The following PTGIR variants were observed in gnomAD, a reference collection of about 807,000 sequenced individuals.
PTGIR encodes the protein prostaglandin I2 receptor.
A neutral mutation model predicts 17.6 loss-of-function variants in PTGIR; 16 were observed. That is an observed-to-expected ratio of 0.91 (90% CI 0.61 to 1.38). The LOEUF (loss-of-function observed/expected upper bound fraction) is 1.38. Among genes scored for constraint, PTGIR ranks in the 40% most tolerant of loss-of-function variants. The pLI is 0.00. For missense variants in PTGIR, 532 were observed against 548.6 expected (o/e 0.97, Z 0.30); for synonymous variants, 274 against 255.4 (o/e 1.07, Z -0.69).
In PTGIR at chr19:46,620,893, C is replaced by A. The variant is rs760404101; in HGVS notation, c.*387G>T. 1 of 996,070 alleles carries A rather than the reference C, an allele frequency of 1.0e-6. No individual in the cohort carries two copies. The highest frequency in any genetic ancestry group is 6.1e-5 in the Admixed American group (1 of 16,502). 61.7% of individuals were successfully genotyped at this position (996,070 alleles called of 1,614,324 possible). A position where few individuals can be genotyped will look rare whatever the true frequency, so the allele number is the denominator to read the frequency against. On this transcript the variant is annotated 3_prime_UTR_variant, in exon 3 of 3. Coordinates refer to ENST00000291294, the MANE Select transcript of PTGIR (RefSeq NM_000960.4). ...CCATCCCCTGGGGACTTGGGGTGGGCAGTTGGGCCTCCTAAGTGGACGCAG... is the reference window on the plus strand; with the variant it reads ...CCATCCCCTGGGGACTTGGGGTGGGAAGTTGGGCCTCCTAAGTGGACGCAG...
chr19:46,614,196 G>A, the PTGIR span, among the ~76,000 whole-genome samples: 2 of 152,152 alleles, frequency 1.3e-5, no homozygotes, highest in East Asian at 3.9e-4. Context: ...ACTTACCAGG[G>A]ATGCCCAACC....
chr19:46,620,375 T>G, downstream of PTGIR: 1 of 950,868 alleles, frequency 1.1e-6, no homozygotes, highest in South Asian at 4.9e-5. Flanking sequence ...GTGCTGGGAT[T>G]ACAGGCATGT....
chr19:46,619,600 GA>G (rs771737004), downstream of PTGIR, among the ~76,000 whole-genome samples: 2,407 of 101,552 alleles, frequency 0.024, 43 homozygotes, highest in Non-Finnish European at 0.032. Flanking sequence ...AGAAAAGAAA[GA>G]AAGGAAAGAA....
At position 46,624,009 on chromosome 19, in the gene PTGIR, C is replaced by T. The variant is rs762383501; in HGVS notation, c.217G>A (p.Val73Met). Reference protein sequence around the residue: ...GTSFLSPAVFVAYARNSSLLG... With the variant: ...GTSFLSPAVFMAYARNSSLLG... ...AGGGAGCTGTTGCGCGCATAGGCCA[C>T]GAACACGGCCGGGCTCAGGAAGCTG... The change falls in exon 2 of 3, where the codon GTG becomes ATG. Residue 73 changes from valine to methionine, a missense_variant. By Grantham distance (21) the Val-to-Met change is conservative. Coordinates refer to ENST00000291294, the MANE Select transcript of PTGIR (RefSeq NM_000960.4). 1.1e-5 allele frequency: 17 copies of T among 1,545,818 alleles called. No homozygotes were observed. Among genetic ancestry groups the T allele is most frequent in the Admixed American group, 2.0e-5 (1 of 50,886 alleles).
Position 46,621,518 on chromosome 19 carries a change from C to T in PTGIR, c.923G>A (p.Cys308Tyr). 2.5e-6 allele frequency: 4 copies of T among 1,614,206 alleles called. No homozygotes were observed. Among genetic ancestry groups the T allele is most frequent in the Non-Finnish European group, 3.4e-6 (4 of 1,180,050 alleles). ...AVFQRLKLWVCCLCLGPAHGD... is the reference protein window; with the variant it reads ...AVFQRLKLWVYCLCLGPAHGD... The stretch of plus-strand genomic sequence containing the variant: ...GTGGGCAGGCCCGAGGCACAGGCAG[C>T]AGACCCAGAGCTTGAGTCGCTGGAA... The change falls in exon 3 of 3, where the codon TGC becomes TAC. Residue 308 changes from cysteine to tyrosine, a missense_variant. Transcript: ENST00000291294. The surrounding 1 kb of genome is among the most constrained non-coding windows in gnomAD (Gnocchi z 4.8).
At chr19:46,624,453 T>C (rs1223691786) in intron 1 of PTGIR, 1 of 446,816 alleles carries the variant, frequency 2.2e-6, no homozygotes, top group African/African-American at 2.0e-5. Flanking sequence ...TTTCTCTCTT[T>C]CTTTTCTTTC....
chr19:46,622,441 G>A (rs1314532553), intron 2 of PTGIR: 1 of 966,964 alleles, frequency 1.0e-6, no homozygotes, highest in East Asian at 1.1e-4. Context: ...ACTGTGGAAT[G>A]GGTGGCTATG....
At chr19:46,624,607 A>G (rs1299080440) in intron 1 of PTGIR, 1 of 170,860 alleles carries the variant, frequency 5.9e-6, no homozygotes, top group Non-Finnish European at 1.2e-5. Context: ...GGCGTCCACT[A>G]CCACGCCCAG....
At chr19:46,622,315 C>G in intron 2 of PTGIR, 1 of 985,334 alleles carries the variant, frequency 1.0e-6, no homozygotes, top group Non-Finnish European at 1.2e-6. Flanking sequence ...AGATCAGGCT[C>G]TACAATGGAA....
rs1282220029 is a variant in PTGIR at position 46,621,999 on chromosome 19, G to A, written c.769-327C>T. On this transcript the variant is annotated intron_variant, in intron 2 of 2. Coordinates refer to ENST00000291294, the MANE Select transcript of PTGIR (RefSeq NM_000960.4). The surrounding 1 kb of genome is among the most constrained non-coding windows in gnomAD (Gnocchi z 4.8). Reference sequence around the variant, plus strand: ...GTGGCGCCACCCGGCTGGGCCCCCTGAAACTGCCGCAGAGCTGCGGTGGTG... The same window carrying A: ...GTGGCGCCACCCGGCTGGGCCCCCTAAAACTGCCGCAGAGCTGCGGTGGTG... The A allele has an allele frequency of 2.0e-6, 2 of 985,300 alleles. No individual in the cohort carries two copies. The highest frequency in any genetic ancestry group is 3.5e-5 in the African/African-American group (2 of 57,236). 61.0% of individuals were successfully genotyped at this position (985,300 alleles called of 1,614,324 possible).
In PTGIR at chr19:46,624,104, C is replaced by T. The variant is rs754955759; in HGVS notation, c.122G>A (p.Arg41Gln). The change falls in exon 2 of 3, where the codon CGG (arginine) becomes CAG (glutamine). Residue 41 changes from arginine to glutamine, a missense_variant. Physicochemically the swap from Arg to Gln is conservative, Grantham distance 43. Coordinates refer to ENST00000291294, the MANE Select transcript of PTGIR (RefSeq NM_000960.4). The part of the protein sequence containing the change: ...NGLALGILSA[R>Q]RPARPSAFAV... ...GAAGGCCGAGGGGCGCGCCGGTCGCCGTGCGCTCAGGATGCCCAGGGCCAG... is the reference window on the plus strand; with the variant it reads ...GAAGGCCGAGGGGCGCGCCGGTCGCTGTGCGCTCAGGATGCCCAGGGCCAG... 25 of 1,539,608 alleles carry T rather than the reference C, an allele frequency of 1.6e-5. No homozygotes were observed. In the Admixed American group the frequency reaches 4.3e-4, roughly 26 times the overall value.
chr19:46,620,659 C>G lies in PTGIR; in HGVS notation c.*621G>C. 1.0e-6 allele frequency: 1 copy of G among 985,992 alleles called. No homozygotes were observed. The highest frequency in any genetic ancestry group is 1.2e-6 in the Non-Finnish European group (1 of 830,036). The allele number at this position is 985,992 out of a possible 1,614,324, so 61.1% of individuals were successfully genotyped here. On this transcript the variant is annotated 3_prime_UTR_variant, in exon 3 of 3. Coordinates refer to ENST00000291294, the MANE Select transcript of PTGIR (RefSeq NM_000960.4). ...GCCAGTCAAGCTAGGTGGAATGTCT[C>G]AGGCCCTTTTTGTACCAAGCACATG...
In PTGIR at chr19:46,621,320, G is replaced by A. The variant is rs775737588; in HGVS notation, c.1121C>T (p.Ser374Leu). Residue 374 changes from serine to leucine, a missense_variant, in exon 3 of 3, where the codon TCG (serine) becomes TTG (leucine). Ser to Leu is a moderately radical substitution (Grantham distance 145, BLOSUM62 -2). Coordinates refer to ENST00000291294, the MANE Select transcript of PTGIR (RefSeq NM_000960.4). The surrounding 1 kb of genome is among the most constrained non-coding windows in gnomAD (Gnocchi z 4.8). ...QQSSGSAVGT[S>L]SKAEASVACS... Reference sequence around the variant, plus strand: ...GGCGACGCTGGCTTCTGCTTTGGACGACGTTCCCACGGCGCTGCCGCTGGA... The same window carrying A: ...GGCGACGCTGGCTTCTGCTTTGGACAACGTTCCCACGGCGCTGCCGCTGGA... 1.2e-5 allele frequency: 18 copies of A among 1,520,534 alleles called. No homozygotes were observed. The highest frequency in any genetic ancestry group is 1.6e-5 in the Non-Finnish European group (18 of 1,133,938). The allele number at this position is 1,520,534 out of a possible 1,614,324, so 94.2% of individuals were successfully genotyped here.
chr19:46,616,326 C>CTTTTTTTTTTTTTTTTTTTT (rs1021116711), downstream of PTGIR, among the ~76,000 whole-genome samples: 12 of 66,546 alleles, frequency 1.8e-4, 4 homozygotes, highest in African/African-American at 8.0e-4. Flanking sequence ...GACAGAAATG[C>CTTTTTTTTTTTTTTTTTTTT]TTTTTTTTTT....
rs1176219520 is a variant in PTGIR at position 46,623,678 on chromosome 19, G to T, written c.548C>A (p.Ala183Asp). The stretch of plus-strand genomic sequence containing the variant: ...CAGGCCGGCGTAGGCCAGCGAGAAG[G>T]CGGCGCCGCCCGGCTGGGCCCAGCG... ...RMRWAQPGGA[A>D]FSLAYAGLVA... is the part of the protein sequence containing the mutation. The change falls in exon 2 of 3, where the codon GCC becomes GAC. Residue 183 changes from alanine to aspartate, a missense_variant. Transcript: ENST00000291294. 3.2e-6 allele frequency: 5 copies of T among 1,550,556 alleles called. No homozygotes were observed. The African/African-American group carries it at 5.4e-5, about 17-fold the overall frequency.
chr19:46,623,258 A>G, intron 2 of PTGIR, 200 bp downstream of exon 2: 1 of 549,694 alleles, frequency 1.8e-6, no homozygotes, highest in African/African-American at 2.0e-5. Flanking sequence ...CGGCCTCCCA[A>G]AGTGCTGGGA....
chr19:46,613,248 A>G, the PTGIR span, among the ~76,000 whole-genome samples: 4 of 151,178 alleles, frequency 2.6e-5, no homozygotes, highest in African/African-American at 9.7e-5. Context: ...TCACCATGTT[A>G]GCCAGGCTGG....
the PTGIR span, among the ~76,000 whole-genome samples, chr19:46,613,588 T>A: frequency 6.6e-6 from 1 of 152,114 alleles, no homozygotes; most frequent in African/African-American, 2.4e-5. Flanking sequence ...CGCCTCGGCC[T>A]CCCAAAGTAC....
At chr19:46,619,579 G>GA (rs1210007453), downstream of PTGIR, among the ~76,000 whole-genome samples, 8,357 of 98,688 alleles carry the variant, frequency 0.085, 605 homozygotes, top group Non-Finnish European at 0.11. Flanking sequence ...GAGAGAGAGA[G>GA]AGAGAAAGAA....
Sources: allele counts gnomAD v4.1 joint callset (sites outside exome capture counted in the v4.1 genomes callset), GRCh38; gene constraint gnomAD v4.1.1; non-coding constraint Gnocchi (gnomAD v3.1); transcripts MANE v1.5; gene names NCBI Gene and HGNC (gene_info 2026-07-23, HGNC 2026-07-21).